ADCY3: variants seen among roughly 807,000 people sequenced by gnomAD.
The protein encoded by ADCY3 is adenylate cyclase type 3.
A neutral mutation model predicts 119.4 loss-of-function variants in ADCY3; 70 were observed. The observed-to-expected ratio is 0.59, with a 90% CI of 0.48 to 0.72. The LOEUF (loss-of-function observed/expected upper bound fraction) is 0.72. ADCY3 is among the 30% of genes least tolerant of loss of function. The pLI, the probability that ADCY3 is intolerant of heterozygous loss-of-function variation, is 0.00. For synonymous variants in ADCY3, 672 were observed against 621.4 expected, an observed-to-expected ratio of 1.08 and a Z score of -1.21; for missense variants, 1,238 against 1,541.6, an observed-to-expected ratio of 0.80 and a Z score of 3.30.
At chr2:24,882,125 C>G (rs1345477056) in intron 2 of ADCY3, among the ~76,000 whole-genome samples, 2 of 152,118 alleles carry the variant, frequency 1.3e-5, no homozygotes, top group African/African-American at 2.4e-5. Context: ...AGTTTGTGGG[C>G]TAAGAGGAGA....
chr2:24,892,246 A>G lies in ADCY3; in HGVS notation c.676-19527T>C, dbSNP rs543516190. 2.6e-3 allele frequency among the ~76,000 whole-genome samples: 352 copies of G among 136,820 alleles called. 3 individuals carry two copies. The highest frequency in any genetic ancestry group is 0.01 in the African/African-American group (334 of 32,880). 89.8% of individuals were successfully genotyped at this position (136,820 alleles called of 152,430 possible). On this transcript the variant is annotated intron_variant, in intron 2 of 21. Coordinates refer to ENST00000679454, the MANE Select transcript of ADCY3 (RefSeq NM_004036.5). ...ATATGAGTTCAATCTTTTAAAGTGT[A>G]TTGAGTCTTTTTTTTTTTTTGAGAT...
intron 2 of ADCY3, among the ~76,000 whole-genome samples, chr2:24,908,894 C>A (rs1663229026): frequency 2.0e-5 from 2 of 101,266 alleles, no homozygotes. Context: ...TGCTGAGGGC[C>A]CCCCCGACAC....
rs1023111084 is a variant in ADCY3, at chr2:24,875,312, G to T, written c.676-2593C>A. 2.0e-5 allele frequency among the ~76,000 whole-genome samples: 3 copies of T among 152,200 alleles called. No homozygotes were observed. The East Asian group carries it at 5.8e-4, about 29-fold the overall frequency. Reference sequence around the variant, plus strand: ...GGTCCCTCTCTCCCACAAAGTCGTGGCTACAAGGCCTGCAGGGAGCTTGGC... The same window carrying T: ...GGTCCCTCTCTCCCACAAAGTCGTGTCTACAAGGCCTGCAGGGAGCTTGGC... On this transcript the variant is annotated intron_variant, in intron 2 of 21. Transcript: ENST00000679454.
At chr2:24,864,215 G>A (rs531885887) in intron 3 of ADCY3, among the ~76,000 whole-genome samples, 6 of 152,168 alleles carry the variant, frequency 3.9e-5, no homozygotes, top group East Asian at 3.9e-4. Context: ...GCTTGAACCC[G>A]GAGGCGGAAG....
At chr2:24,867,560 T>C (rs954349762) in intron 3 of ADCY3, among the ~76,000 whole-genome samples, 1 of 152,204 alleles carries the variant, frequency 6.6e-6, no homozygotes, top group Non-Finnish European at 1.5e-5. Flanking sequence ...CTTTATAAAT[T>C]ACCCAGTTTC....
At chr2:24,905,947 CGG>C (rs1203776316) in intron 2 of ADCY3, among the ~76,000 whole-genome samples, 5 of 151,986 alleles carry the variant, frequency 3.3e-5, no homozygotes, top group African/African-American at 1.2e-4. Context: ...GAAAGCCACC[CGG>C]GGTGAGGGTC....
intron 2 of ADCY3, among the ~76,000 whole-genome samples, chr2:24,916,509 T>C (rs998126604): frequency 1.3e-5 from 2 of 152,174 alleles, no homozygotes; most frequent in African/African-American, 4.8e-5. Flanking sequence ...TGGTGAAACC[T>C]TGTCTCTACT....
chr2:24,821,140 G>A, intron 20 of ADCY3: 1 of 444,278 alleles, frequency 2.3e-6, no homozygotes, highest in Non-Finnish European at 4.0e-6. Context: ...ACTCAGGAAT[G>A]ATACCCCCTC....
chr2:24,834,518 C>A lies in ADCY3; in HGVS notation c.1934G>T (p.Cys645Phe), dbSNP rs1375885597. Residue 645 changes from cysteine to phenylalanine, a missense_variant, in exon 11 of 22, where the codon TGC (cysteine) becomes TTC (phenylalanine). This residue lies in a region of ADCY3 where 499 missense variants were observed against 571.0 expected (regional missense o/e 0.87). Transcript: ENST00000679454. The surrounding 1 kb of genome is among the most constrained non-coding windows in gnomAD (Gnocchi z 4.2). ...AFSCSCVVLLCTALVEILIDP... is the reference protein window; with the variant it reads ...AFSCSCVVLLFTALVEILIDP... Reference sequence around the variant, plus strand: ...GATGAGTATCTCGACCAGGGCCGTGCAGAGCAGGACGACGCAGGAGCAGCT... The same window carrying A: ...GATGAGTATCTCGACCAGGGCCGTGAAGAGCAGGACGACGCAGGAGCAGCT... The A allele has an allele frequency of 6.2e-7, 1 of 1,613,400 alleles. No homozygotes were observed. The highest frequency in any genetic ancestry group is 8.5e-7 in the Non-Finnish European group (1 of 1,179,984).
At chr2:24,892,517 C>G (rs1362522009) in intron 2 of ADCY3, among the ~76,000 whole-genome samples, 1 of 152,202 alleles carries the variant, frequency 6.6e-6, no homozygotes, top group Non-Finnish European at 1.5e-5. Flanking sequence ...TCCCAAAGTG[C>G]TGGGATTATA....
intron 3 of ADCY3, among the ~76,000 whole-genome samples, chr2:24,857,848 C>G (rs1486076004): frequency 6.6e-6 from 1 of 152,174 alleles, no homozygotes; most frequent in Admixed American, 6.5e-5. Context: ...AAGCTCCGTC[C>G]TCTGCTTTCT....
intron 3 of ADCY3, among the ~76,000 whole-genome samples, chr2:24,844,155 T>C (rs557533943): frequency 5.3e-4 from 81 of 152,236 alleles, no homozygotes; most frequent in Non-Finnish European, 8.1e-4. Flanking sequence ...GAGATGTGGC[T>C]GGAGGACAGG....
chr2:24,825,700 T>C (rs1378235695), intron 16 of ADCY3: 1 of 263,204 alleles, frequency 3.8e-6, no homozygotes, highest in Non-Finnish European at 7.3e-6. Flanking sequence ...TGTGTTAATG[T>C]CCCTCAGCGC....
At chr2:24,838,846 C>T (rs747030875) in intron 7 of ADCY3, 15 of 1,606,822 alleles carry the variant, frequency 9.3e-6, no homozygotes, top group Non-Finnish European at 1.3e-5. Flanking sequence ...ATGGCACTTA[C>T]TCCCATCTCA....
At position 24,842,571 on chromosome 2, in the gene ADCY3, T is replaced by C; in HGVS notation, c.826-187A>G. 2 of 702,370 alleles carry C rather than the reference T, an allele frequency of 2.8e-6. No homozygotes were observed. The highest frequency in any genetic ancestry group is 4.6e-6 in the Non-Finnish European group (2 of 435,608). 43.5% of individuals were successfully genotyped at this position (702,370 alleles called of 1,614,324 possible). A position where few individuals can be genotyped will look rare whatever the true frequency, so the allele number is the denominator to read the frequency against. On this transcript the variant is annotated intron_variant, in intron 3 of 21. Transcript: ENST00000679454. The surrounding 1 kb of genome is among the most constrained non-coding windows in gnomAD (Gnocchi z 4.9). ...GTCTGGGACAGGCAGCTTCTGGCCC[T>C]GACAAGGCTGAGGGTGGCAATGGCC...
intron 13 of ADCY3, among the ~76,000 whole-genome samples, chr2:24,829,051 C>G (rs997970497): frequency 8.0e-5 from 12 of 150,176 alleles, no homozygotes; most frequent in African/African-American, 2.9e-4. Context: ...GAGTCTCGCT[C>G]TGTCGCCCAG....
chr2:24,901,871 C>A lies in ADCY3; in HGVS notation c.675+16442G>T, dbSNP rs1243855766. Among the ~76,000 whole-genome samples, 3 of 151,368 alleles carry A rather than the reference C, an allele frequency of 2.0e-5. No homozygotes were observed. The East Asian group carries it at 5.8e-4, about 29-fold the overall frequency. On this transcript the variant is annotated intron_variant, in intron 2 of 21. Transcript: ENST00000679454. ...AAAAAGGAAAGAACTTTCCCTTCAA[C>A]AAAAGATTGGCAAATGACTGTATAG...
chr2:24,826,393 A>G, intron 15 of ADCY3: 1 of 414,654 alleles, frequency 2.4e-6, no homozygotes, highest in Admixed American at 4.1e-5. Flanking sequence ...GTATTTAAGA[A>G]ACACTGCATT....
At chr2:24,861,807 C>T (rs530605878) in intron 3 of ADCY3, among the ~76,000 whole-genome samples, 1 of 152,334 alleles carries the variant, frequency 6.6e-6, no homozygotes, top group South Asian at 2.1e-4. Flanking sequence ...CCCATCCTAC[C>T]TCACCACCCT....
Sources: allele counts gnomAD v4.1 joint callset (sites outside exome capture counted in the v4.1 genomes callset), GRCh38; gene constraint gnomAD v4.1.1; regional missense constraint gnomAD v4.1.1; non-coding constraint Gnocchi (gnomAD v3.1); transcripts MANE v1.5; gene names NCBI Gene and HGNC (gene_info 2026-07-23, HGNC 2026-07-21).